Variants in NFIB observed in about 807,000 individuals in gnomAD.
The protein encoded by NFIB is nuclear factor I B, also known as nuclear factor 1 B-type.
A neutral mutation model predicts 61.5 loss-of-function variants in NFIB; 11 were observed. That is an observed-to-expected ratio of 0.18 (90% CI 0.11 to 0.30). The LOEUF (loss-of-function observed/expected upper bound fraction) is 0.30. NFIB is among the 10% of genes least tolerant of loss of function. NFIB has a pLI of 1.00. For missense variants in NFIB, 471 were observed against 608.9 expected, an observed-to-expected ratio of 0.77 and a Z score of 2.38; for synonymous variants, 260 against 216.5, an observed-to-expected ratio of 1.20 and a Z score of -1.76.
the NFIB span, among the ~76,000 whole-genome samples, chr9:14,523,670 A>T: frequency 3.9e-5 from 6 of 152,206 alleles, no homozygotes; most frequent in African/African-American, 1.4e-4. Flanking sequence ...TTGATCATTT[A>T]TCCCCCAAAT....
At chr9:14,204,401 GC>G in intron 2 of NFIB, 1 of 1,123,454 alleles carries the variant, frequency 8.9e-7, no homozygotes, top group Non-Finnish European at 1.3e-6. Context: ...AAGAGACCTC[GC>G]CCGCTTTGTG....
intron 2 of NFIB, among the ~76,000 whole-genome samples, chr9:14,296,829 G>T (rs1190425887): frequency 6.6e-6 from 1 of 152,206 alleles, no homozygotes; most frequent in African/African-American, 2.4e-5. Context: ...AAGGCAGAAG[G>T]GGGATATGCT....
the NFIB span, among the ~76,000 whole-genome samples, chr9:14,432,277 A>G: frequency 6.6e-6 from 1 of 152,222 alleles, no homozygotes; most frequent in Non-Finnish European, 1.5e-5. Flanking sequence ...GCCATGTAGA[A>G]GTCAGTCTCA....
the NFIB span, among the ~76,000 whole-genome samples, chr9:14,424,506 C>T: frequency 6.6e-6 from 1 of 152,174 alleles, no homozygotes; most frequent in African/African-American, 2.4e-5. Flanking sequence ...AACATTTGCC[C>T]CAGTTTACGC....
intron 2 of NFIB, among the ~76,000 whole-genome samples, chr9:14,228,272 G>A (rs1437115138): frequency 3.4e-5 from 5 of 148,532 alleles, no homozygotes; most frequent in South Asian, 4.2e-4. Context: ...TCGGCTCACT[G>A]CAGCCTCCGC....
the NFIB span, among the ~76,000 whole-genome samples, chr9:14,426,904 T>C: frequency 6.6e-6 from 1 of 152,100 alleles, no homozygotes; most frequent in Admixed American, 6.6e-5. Context: ...ACTGGAGCCA[T>C]ACTGAGATCC....
At chr9:14,373,246 A>G (rs1029412735) in intron 1 of NFIB, among the ~76,000 whole-genome samples, 5 of 152,240 alleles carry the variant, frequency 3.3e-5, no homozygotes, top group African/African-American at 1.2e-4. Context: ...TTGTTGGAAC[A>G]TGTACACCTG....
At chr9:14,139,727 G>A (rs1277575592) in intron 6 of NFIB, among the ~76,000 whole-genome samples, 2 of 152,082 alleles carry the variant, frequency 1.3e-5, no homozygotes, top group African/African-American at 2.4e-5. Context: ...ACACATGAAG[G>A]GGGAACAAAC....
chr9:14,297,811 T>G (rs915702622), intron 2 of NFIB, among the ~76,000 whole-genome samples: 1 of 152,228 alleles, frequency 6.6e-6, no homozygotes, highest in African/African-American at 2.4e-5. Flanking sequence ...TCATGAACTA[T>G]AATGTCATAT....
At chr9:14,519,437 T>C in the NFIB span, among the ~76,000 whole-genome samples, 3 of 152,134 alleles carry the variant, frequency 2.0e-5, no homozygotes, top group African/African-American at 7.2e-5. Context: ...AGCAAAGTCT[T>C]TGTGGAAATT....
chr9:14,277,119 A>AT (rs558696155), intron 2 of NFIB, among the ~76,000 whole-genome samples: 16 of 152,036 alleles, frequency 1.1e-4, no homozygotes, highest in African/African-American at 3.1e-4. Flanking sequence ...TTTTGAGGAG[A>AT]TTTTTTTTAA....
the NFIB span, among the ~76,000 whole-genome samples, chr9:14,520,887 C>A: frequency 1.8e-4 from 27 of 152,338 alleles, no homozygotes; most frequent in African/African-American, 6.0e-4. Context: ...AAACCACTGA[C>A]TTTCCTTTGC....
intron 10 of NFIB, among the ~76,000 whole-genome samples, chr9:14,089,938 T>C (rs1051129307): frequency 3.9e-5 from 6 of 152,132 alleles, no homozygotes; most frequent in African/African-American, 1.4e-4. Context: ...ACAACGACCA[T>C]TTGTGCTCAA....
the NFIB span, among the ~76,000 whole-genome samples, chr9:14,525,559 G>C: frequency 6.6e-6 from 1 of 152,120 alleles, no homozygotes; most frequent in Non-Finnish European, 1.5e-5. Flanking sequence ...GCAAAGAGGA[G>C]GCCCTCCGTA....
chr9:14,405,743 A>T, the NFIB span, among the ~76,000 whole-genome samples: 6 of 152,218 alleles, frequency 3.9e-5, no homozygotes, highest in Non-Finnish European at 8.8e-5. Context: ...GGAAATCAGA[A>T]TGAATAAGAC....
chr9:14,452,882 C>T, the NFIB span, among the ~76,000 whole-genome samples: 1 of 152,174 alleles, frequency 6.6e-6, no homozygotes, highest in Non-Finnish European at 1.5e-5. Flanking sequence ...TAGTTTGGAC[C>T]ACACATGTGG....
At chr9:14,409,935 T>A in the NFIB span, among the ~76,000 whole-genome samples, 1 of 152,200 alleles carries the variant, frequency 6.6e-6, no homozygotes, top group Non-Finnish European at 1.5e-5. Context: ...AAAGAATGAA[T>A]GTTCAATATT....
the NFIB span, among the ~76,000 whole-genome samples, chr9:14,447,649 A>T: frequency 6.6e-6 from 1 of 152,142 alleles, no homozygotes. Flanking sequence ...TCTGGTTGAG[A>T]GTGGGAGTGA....
At chr9:14,239,342 A>G (rs2054120308) in intron 2 of NFIB, among the ~76,000 whole-genome samples, 1 of 152,214 alleles carries the variant, frequency 6.6e-6, no homozygotes, top group Non-Finnish European at 1.5e-5. Flanking sequence ...AAAAGAGGAA[A>G]ATGGCATGTG....
Sources: gnomAD v4.1 joint callset for allele counts (sites outside exome capture counted in the v4.1 genomes callset) on GRCh38, gnomAD v4.1.1 for gene constraint, MANE v1.5 for transcripts, NCBI Gene and HGNC (gene_info 2026-07-23, HGNC 2026-07-21) for gene names.